The following CDC45 variants were observed in gnomAD, a reference collection of about 807,000 sequenced individuals.
CDC45 encodes cell division cycle 45.
Under a neutral mutation model 77.8 loss-of-function variants are expected in CDC45, and 54 were observed. The ratio of observed to expected loss-of-function variants is 0.69; its 90% CI spans 0.56 to 0.87. CDC45 has a LOEUF of 0.87. Ranked by LOEUF, CDC45 falls within the 40% of genes least tolerant of loss-of-function variation. The probability of loss-of-function intolerance (pLI) is 0.00; values close to 1 mark genes in which losing one functional copy is unlikely to be tolerated. For synonymous variants in CDC45, 260 were observed against 272.1 expected (o/e 0.96, Z 0.44); for missense variants, 649 against 721.6 (o/e 0.90, Z 1.15).
chr22:19,482,808 A>G lies in CDC45; in HGVS notation c.323A>G (p.Asn108Ser), dbSNP rs1482788384. The G allele has an allele frequency of 8.1e-6, 13 of 1,614,164 alleles. No homozygotes were observed. Among genetic ancestry groups the G allele is most frequent in the South Asian group, 1.1e-5 (1 of 91,084 alleles). ...CDTHRPVNVV[N>S]VYNDTQIKLL... ...ACCCATAGGCCAGTCAATGTCGTCA[A>G]TGTATACAACGATACCCAGGTACTT... Residue 108 changes from asparagine (N) to serine (S), a missense_variant, in exon 4 of 19, where the codon AAT (asparagine) becomes AGT (serine). Coordinates refer to ENST00000263201, the MANE Select transcript of CDC45 (RefSeq NM_003504.5).
intron 14 of CDC45, 26 bp downstream of exon 14, chr22:19,514,913 G>C: frequency 6.2e-7 from 1 of 1,614,198 alleles, no homozygotes; most frequent in African/African-American, 1.3e-5. Context: ...GAGCACAGGC[G>C]CCTGGTCACA....
chr22:19,508,469 G>C (rs772509202), intron 12 of CDC45, 61 bp from the exon 13 acceptor site: 14 of 1,575,186 alleles, frequency 8.9e-6, no homozygotes, highest in Non-Finnish European at 1.2e-5. Context: ...CTGTTGGCCT[G>C]CCTGGCAGTG....
chr22:19,495,932 T>G, intron 6 of CDC45, 49 bp from the exon 7 acceptor site: 1 of 1,343,592 alleles, frequency 7.4e-7, no homozygotes, highest in South Asian at 1.2e-5. Flanking sequence ...ATATTTGGCT[T>G]CCTGTACTGC....
At chr22:19,479,691 A>G, upstream of CDC45, 1 of 694,844 alleles carries the variant, frequency 1.4e-6, no homozygotes, top group Non-Finnish European at 2.7e-6. Flanking sequence ...TTTCTGGGTA[A>G]AAGCGAGTCA....
intron 13 of CDC45, among the ~76,000 whole-genome samples, chr22:19,511,119 A>G (rs763892041): frequency 1.3e-5 from 2 of 152,172 alleles, no homozygotes; most frequent in Non-Finnish European, 2.9e-5. Flanking sequence ...CATTCCCACC[A>G]GGAGGGAGGG....
intron 9 of CDC45, among the ~76,000 whole-genome samples, chr22:19,501,705 A>G (rs1932907753): frequency 6.6e-6 from 1 of 152,082 alleles, no homozygotes; most frequent in African/African-American, 2.4e-5. Flanking sequence ...ATTTCAAATT[A>G]TTTTATTGTT....
intron 5 of CDC45, among the ~76,000 whole-genome samples, chr22:19,493,227 GT>G (rs368497589): frequency 7.3e-6 from 1 of 136,302 alleles, no homozygotes; most frequent in Non-Finnish European, 1.6e-5. Context: ...GCTTTTGTGG[GT>G]TTTTTTTTTT....
intron 10 of CDC45, among the ~76,000 whole-genome samples, chr22:19,507,001 C>T (rs1460147381): frequency 2.6e-5 from 4 of 151,756 alleles, no homozygotes; most frequent in African/African-American, 7.3e-5. Context: ...GTGGAGGGCT[C>T]TCCGGAGGAA....
chr22:19,517,471 C>A (rs980660468), intron 17 of CDC45, among the ~76,000 whole-genome samples: 1 of 152,238 alleles, frequency 6.6e-6, no homozygotes, highest in African/African-American at 2.4e-5. Context: ...TGTTGGCGTT[C>A]TTATTATTGT....
At chr22:19,497,965 C>A (rs1053567436) in intron 8 of CDC45, among the ~76,000 whole-genome samples, 2 of 151,576 alleles carry the variant, frequency 1.3e-5, no homozygotes, top group Non-Finnish European at 2.9e-5. Flanking sequence ...GTCAGGAATT[C>A]GAGACCAGCC....
chr22:19,507,227 A>C (rs1158480186), intron 10 of CDC45, among the ~76,000 whole-genome samples, 159 bp from the exon 11 acceptor site: 1 of 152,222 alleles, frequency 6.6e-6, no homozygotes, highest in African/African-American at 2.4e-5. Flanking sequence ...AGCTTAAGCT[A>C]AGAAGGTCAA....
upstream of CDC45, chr22:19,479,873 G>C: frequency 8.0e-7 from 1 of 1,249,430 alleles, no homozygotes; most frequent in Non-Finnish European, 1.2e-6. Flanking sequence ...GGTGATCCCT[G>C]GACCAATCGG....
At chr22:19,516,942 G>C (rs772825682) in intron 17 of CDC45, 49 bp downstream of exon 17, 1 of 1,496,550 alleles carries the variant, frequency 6.7e-7, no homozygotes, top group East Asian at 2.3e-5. Context: ...GACCCTTTGA[G>C]GCTATTGCAG....
At chr22:19,499,438 TTA>T (rs745958324) in intron 9 of CDC45, among the ~76,000 whole-genome samples, 2 of 152,054 alleles carry the variant, frequency 1.3e-5, no homozygotes, top group Non-Finnish European at 2.9e-5. Context: ...AGGGCCAGGC[TTA>T]GAGGCAGGTG....
At chr22:19,489,452 C>T (rs1440868087) in intron 5 of CDC45, among the ~76,000 whole-genome samples, 8 of 152,074 alleles carry the variant, frequency 5.3e-5, no homozygotes, top group African/African-American at 4.8e-5. Flanking sequence ...TCTGTAATTT[C>T]ATTTCAACAA....
intron 13 of CDC45, among the ~76,000 whole-genome samples, chr22:19,511,202 T>C (rs1933492185): frequency 6.6e-6 from 1 of 152,236 alleles, no homozygotes. Context: ...CTAGTGAGTA[T>C]GAAGTGGTAT....
chr22:19,483,269 A>G (rs1392141923), intron 4 of CDC45, among the ~76,000 whole-genome samples: 1 of 152,184 alleles, frequency 6.6e-6, no homozygotes, highest in Non-Finnish European at 1.5e-5. Context: ...CGTCTCTACT[A>G]AAAATACAAA....
intron 13 of CDC45, among the ~76,000 whole-genome samples, chr22:19,511,777 C>T (rs1933526287): frequency 6.6e-6 from 1 of 152,136 alleles, no homozygotes. Context: ...AAGTTACCTA[C>T]TTTTTCTTTT....
chr22:19,513,286 A>AG (rs1191221590), intron 13 of CDC45, among the ~76,000 whole-genome samples: 1 of 152,248 alleles, frequency 6.6e-6, no homozygotes, highest in African/African-American at 2.4e-5. Context: ...CTTGGGTTAG[A>AG]GAAAAAGATA....
Sources: allele counts gnomAD v4.1 joint callset (sites outside exome capture counted in the v4.1 genomes callset), GRCh38; gene constraint gnomAD v4.1.1; transcripts MANE v1.5; gene names NCBI Gene and HGNC (gene_info 2026-07-23, HGNC 2026-07-21).